The following CFAP299 variants were observed in gnomAD, a reference collection of about 807,000 sequenced individuals.
CFAP299 encodes the protein cilia and flagella associated protein 299.
CFAP299 carries 21 observed loss-of-function variants against 27.0 expected under a neutral mutation model. That is an observed-to-expected ratio of 0.78 (90% confidence interval 0.55 to 1.12). CFAP299 has a LOEUF of 1.12. Ranked by LOEUF, CFAP299 falls within the 50% of genes most tolerant of loss-of-function variation. The pLI is 0.00. For synonymous variants in CFAP299, 104 were observed against 98.1 expected, an observed-to-expected ratio of 1.06 and a Z score of -0.36; for missense variants, 310 against 276.6, an observed-to-expected ratio of 1.12 and a Z score of -0.86.
intron 3 of CFAP299, among the ~76,000 whole-genome samples, chr4:80,784,238 A>T (rs1727107328): frequency 6.6e-6 from 1 of 152,140 alleles, no homozygotes; most frequent in Non-Finnish European, 1.5e-5. Flanking sequence ...TTGTGTATAT[A>T]CCCAGAGGAA....
chr4:80,807,757 C>G (rs1161419940), intron 3 of CFAP299, among the ~76,000 whole-genome samples: 1 of 151,994 alleles, frequency 6.6e-6, no homozygotes, highest in Non-Finnish European at 1.5e-5. Context: ...ATATATTCCT[C>G]CAACTGATGA....
Position 80,944,956 on chromosome 4 carries a change from A to C in CFAP299, c.606+17A>C, listed in dbSNP as rs1737397863. The C allele has an allele frequency of 6.2e-7, 1 of 1,604,772 alleles. No homozygotes were observed. Among genetic ancestry groups the C allele is most frequent in the Non-Finnish European group, 8.5e-7 (1 of 1,174,118 alleles). On this transcript the variant is annotated intron_variant, in intron 5 of 5. Coordinates refer to ENST00000358105, the MANE Select transcript of CFAP299 (RefSeq NM_152770.3). ...GACCCAAAGGTAATTCTTCTTTTAC[A>C]CTTAGTTAGTTACCTCTTCACATGT... is the stretch of plus-strand genomic sequence containing the variant.
At chr4:80,840,583 G>A (rs989318795) in intron 3 of CFAP299, among the ~76,000 whole-genome samples, 7 of 152,010 alleles carry the variant, frequency 4.6e-5, no homozygotes, top group Admixed American at 2.0e-4. Context: ...GGATTTCAGA[G>A]ACTTTAAGAT....
chr4:80,584,162 G>A (rs985170005), intron 3 of CFAP299, among the ~76,000 whole-genome samples: 3 of 152,028 alleles, frequency 2.0e-5, no homozygotes, highest in African/African-American at 4.8e-5. Context: ...TATGGGCAGA[G>A]ACTAGACTTT....
intron 4 of CFAP299, among the ~76,000 whole-genome samples, chr4:80,919,984 T>G (rs1284753482): frequency 6.6e-6 from 1 of 152,124 alleles, no homozygotes; most frequent in Non-Finnish European, 1.5e-5. Context: ...CTGACCTGTT[T>G]TAAAAATTCT....
chr4:80,476,548 T>A (rs1325530415), intron 2 of CFAP299, among the ~76,000 whole-genome samples: 1 of 152,050 alleles, frequency 6.6e-6, no homozygotes, highest in African/African-American at 2.4e-5. Context: ...TGGAGGGCTA[T>A]TTTGGGAAGG....
chr4:80,774,177 G>T (rs1309990092), intron 3 of CFAP299, among the ~76,000 whole-genome samples: 7 of 151,810 alleles, frequency 4.6e-5, no homozygotes, highest in Non-Finnish European at 1.0e-4. Flanking sequence ...AGTAAAATAG[G>T]CCTGTGAATT....
chr4:80,358,605 T>C (rs1188440712), intron 1 of CFAP299, among the ~76,000 whole-genome samples: 1 of 152,206 alleles, frequency 6.6e-6, no homozygotes, highest in Non-Finnish European at 1.5e-5. Flanking sequence ...TTTTAATCTT[T>C]GTTGGTTTAG....
intron 3 of CFAP299, among the ~76,000 whole-genome samples, chr4:80,854,809 TGAAAAA>T (rs1193120953): frequency 1.3e-4 from 9 of 67,894 alleles, no homozygotes; most frequent in African/African-American, 7.2e-4. Context: ...GCTGTTGCTA[TGAAAAA>T]AAAAAAAAAA....
chr4:80,377,708 T>C (rs998385517), intron 2 of CFAP299, among the ~76,000 whole-genome samples: 2 of 152,222 alleles, frequency 1.3e-5, no homozygotes, highest in Admixed American at 6.5e-5. Context: ...CTTAACATAT[T>C]GAGTCTTTTG....
intron 2 of CFAP299, among the ~76,000 whole-genome samples, chr4:80,574,414 T>A (rs751731295): frequency 6.6e-5 from 10 of 152,194 alleles, no homozygotes; most frequent in Non-Finnish European, 1.2e-4. Flanking sequence ...ATAATTTGAC[T>A]TCTTCCTTTG....
chr4:80,754,128 G>C (rs1052643263), intron 3 of CFAP299, among the ~76,000 whole-genome samples: 2 of 152,086 alleles, frequency 1.3e-5, no homozygotes, highest in Admixed American at 6.6e-5. Context: ...AGAGTAAATA[G>C]ATTTTATGCC....
the CFAP299 span, among the ~76,000 whole-genome samples, chr4:80,328,984 C>T: frequency 6.6e-6 from 1 of 152,086 alleles, no homozygotes; most frequent in Admixed American, 6.6e-5. Flanking sequence ...CTTGTCAAAC[C>T]CGCAGCCCGT....
chr4:80,417,817 T>C (rs952907985), intron 2 of CFAP299, among the ~76,000 whole-genome samples: 8 of 151,964 alleles, frequency 5.3e-5, no homozygotes, highest in African/African-American at 1.9e-4. Context: ...CATGTGTATA[T>C]ATATGTTTGC....
At position 80,836,650 on chromosome 4, in the gene CFAP299, A is replaced by C. The variant is rs141196785; in HGVS notation, c.334-33343A>C. On this transcript the variant is annotated intron_variant, in intron 3 of 5. Coordinates refer to ENST00000358105, the MANE Select transcript of CFAP299 (RefSeq NM_152770.3). ...TAATTCAGTATAATCTCTCCATCTC[A>C]AGATCCTTAACTTTAAGCACATTTT... is the stretch of plus-strand genomic sequence containing the variant. 5.6e-3 allele frequency among the ~76,000 whole-genome samples: 856 copies of C among 152,258 alleles called. 8 individuals are homozygous for C. Among genetic ancestry groups the C allele is most frequent in the African/African-American group, 0.018 (750 of 41,552 alleles).
intron 2 of CFAP299, among the ~76,000 whole-genome samples, chr4:80,375,921 G>A (rs1163708932): frequency 1.3e-5 from 2 of 152,184 alleles, no homozygotes; most frequent in African/African-American, 2.4e-5. Flanking sequence ...TAGCTAGGTA[G>A]CACATCCATT....
chr4:80,709,881 C>T lies in CFAP299; in HGVS notation c.333+126698C>T, dbSNP rs145013531. Among the ~76,000 whole-genome samples, 322 of 152,192 alleles carry T rather than the reference C, an allele frequency of 2.1e-3. 3 individuals carry two copies. Among genetic ancestry groups the T allele is most frequent in the Middle Eastern group, 6.8e-3 (2 of 294 alleles). ...CTCATTTTCTTTAAAATTATTTTAA[C>T]ATAATACTTTTTAAAAAGTAATATG... On this transcript the variant is annotated intron_variant, in intron 3 of 5. Coordinates refer to ENST00000358105, the MANE Select transcript of CFAP299 (RefSeq NM_152770.3).
intron 3 of CFAP299, among the ~76,000 whole-genome samples, chr4:80,730,819 C>T (rs759721814): frequency 1.4e-4 from 22 of 152,176 alleles, no homozygotes; most frequent in Non-Finnish European, 7.3e-5. Flanking sequence ...CTTTGCAATG[C>T]ATTCATTGGC....
intron 5 of CFAP299, among the ~76,000 whole-genome samples, chr4:80,958,224 C>A (rs1738165209): frequency 6.6e-6 from 1 of 152,080 alleles, no homozygotes; most frequent in African/African-American, 2.4e-5. Context: ...AGGAGTAGAC[C>A]AGATTGTACA....
Sources: allele counts gnomAD v4.1 joint callset (sites outside exome capture counted in the v4.1 genomes callset), GRCh38; gene constraint gnomAD v4.1.1; transcripts MANE v1.5; gene names NCBI Gene and HGNC (gene_info 2026-07-23, HGNC 2026-07-21).